FAT2: variants seen among roughly 807,000 people sequenced by gnomAD.
FAT2 encodes the protein protocadherin Fat 2.
FAT2 carries 150 observed loss-of-function variants against 295.3 expected under a neutral mutation model. The ratio of observed to expected loss-of-function variants is 0.51; its 90% CI spans 0.44 to 0.58. The LOEUF (loss-of-function observed/expected upper bound fraction) is 0.58, where lower values mean the gene tolerates loss of function less well. Among genes scored for constraint, FAT2 ranks in the 20% least tolerant of loss-of-function variants. The probability of loss-of-function intolerance (pLI) is 0.00; values close to 1 mark genes in which losing one functional copy is unlikely to be tolerated. For synonymous variants in FAT2, 2,026 were observed against 2,150.3 expected, an observed-to-expected ratio of 0.94 and a Z score of 1.60; for missense variants, 4,868 against 5,442.7, an observed-to-expected ratio of 0.89 and a Z score of 3.32.
chr5:151,525,268 A>T (rs1393076160), intron 18 of FAT2, among the ~76,000 whole-genome samples: 1 of 152,306 alleles, frequency 6.6e-6, no homozygotes, highest in Non-Finnish European at 1.5e-5. Context: ...GTTCTTTAGC[A>T]ATTCCTATGA....
Position 151,544,855 on chromosome 5 carries a change from T to G in FAT2, c.6272A>C (p.Gln2091Pro). 6.2e-7 allele frequency: 1 copy of G among 1,614,190 alleles called. No individual in the cohort carries two copies. Among genetic ancestry groups the G allele is most frequent in the Non-Finnish European group, 8.5e-7 (1 of 1,180,036 alleles). Residue 2091 changes from glutamine to proline, a missense_variant, in exon 10 of 24, where the codon CAG becomes CCG. Coordinates refer to ENST00000261800, the MANE Select transcript of FAT2 (RefSeq NM_001447.3). Reference protein sequence around the residue: ...DGTEPGDVLFQVSATDEDLGT... With the variant: ...DGTEPGDVLFPVSATDEDLGT... ...CAAGTCCTCATCAGTGGCAGATACC[T>G]GAAAGAGGACATCCCCTGGCTCTGT... is the stretch of plus-strand genomic sequence containing the variant.
At position 151,542,924 on chromosome 5, in the gene FAT2, T is replaced by A. The variant is rs745448465; in HGVS notation, c.8203A>T (p.Asn2735Tyr). ...TCTAGGGAGAAGACACCATCCTTGTTGCTCTCAGGTGTAGTGCCCCGCACT... is the reference window on the plus strand; with the variant it reads ...TCTAGGGAGAAGACACCATCCTTGTAGCTCTCAGGTGTAGTGCCCCGCACT... ...SLVRGTTPES[N>Y]KDGVFSLDPD... Residue 2735 changes from asparagine to tyrosine, a missense_variant, in exon 10 of 24, where the codon AAC becomes TAC. This residue lies in a region of FAT2 where 3,297 missense variants were observed against 3,669.4 expected (regional missense o/e 0.90). Transcript: ENST00000261800. 1 of 1,614,222 alleles carries A rather than the reference T, an allele frequency of 6.2e-7. No homozygotes were observed. The highest frequency in any genetic ancestry group is 1.1e-5 in the South Asian group (1 of 91,086).
In FAT2 at chr5:151,568,177, T is replaced by G; in HGVS notation, c.755A>C (p.Lys252Thr). 6.2e-7 allele frequency: 1 copy of G among 1,614,092 alleles called. No homozygotes were observed. Residue 252 changes from lysine to threonine, a missense_variant, in exon 2 of 24, where the codon AAG becomes ACG. By Grantham distance (78) the Lys-to-Thr change is moderately conservative. Coordinates refer to ENST00000261800, the MANE Select transcript of FAT2 (RefSeq NM_001447.3). Reference protein sequence around the residue: ...LVVHVEPALRKPPAIASVVVT... With the variant: ...LVVHVEPALRTPPAIASVVVT... ...CACCACCGAAGCAATGGCTGGGGGCTTCCTGAGGGCAGGCTCCACATGAAC... is the reference window on the plus strand; with the variant it reads ...CACCACCGAAGCAATGGCTGGGGGCGTCCTGAGGGCAGGCTCCACATGAAC...
intron 3 of FAT2, among the ~76,000 whole-genome samples, chr5:151,561,697 C>T (rs1312017145): frequency 1.3e-5 from 2 of 152,188 alleles, no homozygotes; most frequent in East Asian, 1.9e-4. Context: ...GGCTTACTGA[C>T]TTTAGCTTAA....
Position 151,567,304 on chromosome 5 carries a change from C to T in FAT2, c.1628G>A (p.Arg543His), listed in dbSNP as rs778707746. The change falls in exon 2 of 24, where the codon CGC becomes CAC. Residue 543 changes from arginine (R) to histidine (H), a missense_variant. Coordinates refer to ENST00000261800, the MANE Select transcript of FAT2 (RefSeq NM_001447.3). ...VRASDWGSPF[R>H]REKEVSIFLQ... Reference sequence around the variant, plus strand: ...AAAAATGGACACTTCCTTCTCCCGGCGAAAAGGGGATCCCCAGTCTGATGC... The same window carrying T: ...AAAAATGGACACTTCCTTCTCCCGGTGAAAAGGGGATCCCCAGTCTGATGC... 41 of 1,613,966 alleles carry T rather than the reference C, an allele frequency of 2.5e-5. No homozygotes were observed. The highest frequency in any genetic ancestry group is 1.6e-4 in the Middle Eastern group (1 of 6,062).
chr5:151,529,226 A>G lies in FAT2; in HGVS notation c.9978T>C (p.Tyr3326=). 1.2e-6 allele frequency: 2 copies of G among 1,614,080 alleles called. No homozygotes were observed. The highest frequency in any genetic ancestry group is 1.7e-6 in the Non-Finnish European group (2 of 1,180,008). ...EHRPQFPQDP[Y]STRVLENALV... is the part of the protein sequence containing the mutation. ...GGGCATTCTCTAAGACCCTTGTGCT[A>G]TATGGATCTTGGGGGAATTGGGGCC... is the stretch of plus-strand genomic sequence containing the variant. Residue 3326 remains tyrosine (Y), a synonymous_variant, in exon 15 of 24, where the codon TAT becomes TAC. Transcript: ENST00000261800.
intron 22 of FAT2, 125 bp downstream of exon 22, chr5:151,509,896 A>G: frequency 8.8e-7 from 1 of 1,132,686 alleles, no homozygotes; most frequent in South Asian, 1.7e-5. Flanking sequence ...AACAGATGGA[A>G]AAGGCCTAGA....
chr5:151,506,654 C>T (rs569584904), intron 23 of FAT2, among the ~76,000 whole-genome samples: 1 of 152,192 alleles, frequency 6.6e-6, no homozygotes, highest in Non-Finnish European at 1.5e-5. Flanking sequence ...GTGAAAATAC[C>T]TATCATAACT....
At chr5:151,584,032 T>C (rs920480567) in intron 1 of FAT2, among the ~76,000 whole-genome samples, 5 of 150,366 alleles carry the variant, frequency 3.3e-5, no homozygotes, top group Non-Finnish European at 7.4e-5. Flanking sequence ...AAGTTTTTTT[T>C]AAACACTAGT....
chr5:151,510,039 T>C lies in FAT2; in HGVS notation c.12041A>G (p.His4014Arg). Reference sequence around the variant, plus strand: ...GGATTACCTGTCTCCTGTGTAAGGATGAGGGCAGTTACAGGAAGCTCCTTT... The same window carrying C: ...GGATTACCTGTCTCCTGTGTAAGGACGAGGGCAGTTACAGGAAGCTCCTTT... ...SPKGASCNCP[H>R]PYTGDRCEME... The change falls in exon 22 of 24, where the codon CAT (histidine) becomes CGT (arginine). Residue 4014 changes from histidine to arginine, a missense_variant. By Grantham distance (29) the His-to-Arg change is conservative. Coordinates refer to ENST00000261800, the MANE Select transcript of FAT2 (RefSeq NM_001447.3). 17 of 1,614,048 alleles carry C rather than the reference T, an allele frequency of 1.1e-5. No homozygotes were observed. Among genetic ancestry groups the C allele is most frequent in the South Asian group, 2.2e-5 (2 of 91,080 alleles).
At chr5:151,592,077 G>A (rs1323934690), upstream of FAT2, among the ~76,000 whole-genome samples, 1 of 152,198 alleles carries the variant, frequency 6.6e-6, no homozygotes, top group Non-Finnish European at 1.5e-5. Context: ...GCATCACAAA[G>A]CACGGTGAGT....
At chr5:151,571,533 G>T (rs2127653015) in intron 1 of FAT2, among the ~76,000 whole-genome samples, 1 of 152,338 alleles carries the variant, frequency 6.6e-6, no homozygotes, top group East Asian at 1.9e-4. Context: ...GTAGGGAAGG[G>T]GAAGGGGAGG....
intron 13 of FAT2, 126 bp downstream of exon 13, chr5:151,534,283 G>A (rs1754991477): frequency 1.6e-6 from 1 of 629,662 alleles, no homozygotes; most frequent in African/African-American, 1.8e-5. Flanking sequence ...TTACTTTTAA[G>A]TGTCCCCAGA....
At chr5:151,514,691 C>G (rs376708515) in intron 20 of FAT2, among the ~76,000 whole-genome samples, 1 of 152,328 alleles carries the variant, frequency 6.6e-6, no homozygotes, top group South Asian at 2.1e-4. Flanking sequence ...CCTAATGCCT[C>G]CCTCCTCATT....
At position 151,512,147 on chromosome 5, in the gene FAT2, T is replaced by A; in HGVS notation, c.11905+18A>T. 1 of 1,603,592 alleles carries A rather than the reference T, an allele frequency of 6.2e-7. No individual in the cohort carries two copies. The highest frequency in any genetic ancestry group is 8.5e-7 in the Non-Finnish European group (1 of 1,171,876). On this transcript the variant is annotated intron_variant, in intron 21 of 23. Coordinates refer to ENST00000261800, the MANE Select transcript of FAT2 (RefSeq NM_001447.3). This position sits in a 1 kb window ranked among gnomAD's most constrained non-coding sequence, Gnocchi z 4.1. The stretch of plus-strand genomic sequence containing the variant: ...TCTGGGATAAACCCTGGGTTCAGCC[T>A]GGCACCCCAGCCCTCACCTGCCCCA...
At position 151,529,322 on chromosome 5, in the gene FAT2, G is replaced by A. The variant is rs1231831760; in HGVS notation, c.9882C>T (p.Ser3294=). 1.2e-6 allele frequency: 2 copies of A among 1,613,886 alleles called. No homozygotes were observed. The highest frequency in any genetic ancestry group is 2.2e-5 in the East Asian group (1 of 44,882). The change falls in exon 15 of 24, where the codon AGC becomes AGT. Residue 3294 remains serine, a synonymous_variant. Coordinates refer to ENST00000261800, the MANE Select transcript of FAT2 (RefSeq NM_001447.3). ...CACTGAGGGAAGAGGAGCTCTTCCG[G>A]CTGCACTCAATGGACAGGAAGTACT... ...SPKYFLSIEC[S]RKSSSSLSDV...
At position 151,527,987 on chromosome 5, in the gene FAT2, A is replaced by G. The variant is rs535713798; in HGVS notation, c.10164+9T>C. ...TGAGCTCAGGGTGCGCCCCTCCCAC[A>G]TGACTCACCTGTTCCCGGTCCAGGG... On this transcript the variant is annotated intron_variant, in intron 16 of 23. Coordinates refer to ENST00000261800, the MANE Select transcript of FAT2 (RefSeq NM_001447.3). 2.5e-6 allele frequency: 4 copies of G among 1,613,452 alleles called. No individual in the cohort carries two copies. The highest frequency in any genetic ancestry group is 3.4e-6 in the Non-Finnish European group (4 of 1,179,818).
At position 151,573,859 on chromosome 5, in the gene FAT2, T is replaced by C. The variant is rs531206636; in HGVS notation, c.-20-4908A>G. ...ACCTGATAGTTGTAACATTCATGTC[T>C]TTGTCCAACTCATTGATAAAAGTTT... On this transcript the variant is annotated intron_variant, in intron 1 of 23. Transcript: ENST00000261800. Among the ~76,000 whole-genome samples the C allele has an allele frequency of 4.6e-5, 7 of 152,286 alleles. 1 individual carries two copies. In the South Asian group the frequency reaches 1.5e-3, roughly 32 times the overall value.
chr5:151,509,718 A>G (rs544457022), intron 22 of FAT2: 15 of 263,494 alleles, frequency 5.7e-5, no homozygotes, highest in African/African-American at 3.0e-4. Context: ...TTGTATAATT[A>G]CTTCATTATA....
Sources: allele counts gnomAD v4.1 joint callset (sites outside exome capture counted in the v4.1 genomes callset), GRCh38; gene constraint gnomAD v4.1.1; regional missense constraint gnomAD v4.1.1; non-coding constraint Gnocchi (gnomAD v3.1); transcripts MANE v1.5; gene names NCBI Gene and HGNC (gene_info 2026-07-23, HGNC 2026-07-21).